MANEA: variants seen among roughly 807,000 people sequenced by gnomAD.
The protein encoded by MANEA is glycoprotein endo-alpha-1,2-mannosidase.
In MANEA, 25 loss-of-function variants were observed where a neutral mutation model predicts 36.8. The ratio of observed to expected loss-of-function variants is 0.68; its 90% CI spans 0.50 to 0.95. The LOEUF (loss-of-function observed/expected upper bound fraction) is 0.95, where lower values mean the gene tolerates loss of function less well. Among genes scored for constraint, MANEA ranks in the 40% least tolerant of loss-of-function variants. MANEA has a pLI of 0.00. For missense variants in MANEA, 565 were observed against 558.8 expected (o/e 1.01, Z -0.11); for synonymous variants, 198 against 188.5 (o/e 1.05, Z -0.41).
At position 95,604,813 on chromosome 6, in the gene MANEA, ATTGT is replaced by A. The variant is rs780154209; in HGVS notation, c.655-7_655-4del. Reference sequence around the variant, plus strand: ...GATAATTTATCCCCTAACTGATTTTATTGTTTGTTTTAGGTTACTTTTCACATAG... The same window carrying A: ...GATAATTTATCCCCTAACTGATTTTATTGTTTTAGGTTACTTTTCACATAG... On this transcript the variant is annotated splice_polypyrimidine_tract_variant and intron_variant, in intron 3 of 4. Coordinates refer to ENST00000358812, the MANE Select transcript of MANEA (RefSeq NM_024641.4). The A allele has an allele frequency of 8.1e-7, 1 of 1,230,410 alleles. No individual in the cohort carries two copies. 76.2% of individuals were successfully genotyped at this position (1,230,410 alleles called of 1,614,324 possible).
chr6:95,606,003 T>G lies in MANEA; in HGVS notation c.987T>G (p.Phe329Leu). The change falls in exon 5 of 5, where the codon TTT becomes TTG. Residue 329 changes from phenylalanine (F) to leucine (L), a missense_variant. Physicochemically the swap from Phe to Leu is conservative, Grantham distance 22 (BLOSUM62 0). Transcript: ENST00000358812. ...ACACATATTTTGCCACAAATGGCTT[T>G]ACTTATGGCTCATCACATCAGAATT... ...GIYTYFATNG[F>L]TYGSSHQNWA... The G allele has an allele frequency of 6.2e-7, 1 of 1,614,114 alleles. No individual in the cohort carries two copies. Among genetic ancestry groups the G allele is most frequent in the Non-Finnish European group, 8.5e-7 (1 of 1,179,980 alleles).
chr6:95,580,724 CAAAAAA>C (rs67844240), intron 1 of MANEA, among the ~76,000 whole-genome samples: 1 of 59,810 alleles, frequency 1.7e-5, no homozygotes, highest in African/African-American at 6.8e-5. Flanking sequence ...GACGCCGTCT[CAAAAAA>C]AAAAAAAAAA....
chr6:95,583,278 T>G (rs1036378080), intron 1 of MANEA, among the ~76,000 whole-genome samples: 3 of 152,064 alleles, frequency 2.0e-5, no homozygotes, highest in Non-Finnish European at 4.4e-5. Context: ...ATTTAGTAAT[T>G]AATATTGTTT....
intron 2 of MANEA, among the ~76,000 whole-genome samples, chr6:95,587,593 T>C (rs1489969053): frequency 6.6e-6 from 1 of 152,158 alleles, no homozygotes; most frequent in African/African-American, 2.4e-5. Flanking sequence ...CACTTAACTA[T>C]ATCAATAGCT....
intron 2 of MANEA, among the ~76,000 whole-genome samples, chr6:95,589,082 C>T (rs1769337760): frequency 1.3e-5 from 2 of 151,398 alleles, no homozygotes; most frequent in Admixed American, 6.6e-5. Flanking sequence ...TTCTCCTAGA[C>T]AAAATTAAAA....
intron 2 of MANEA, among the ~76,000 whole-genome samples, chr6:95,594,152 G>GA (rs1769442957): frequency 1.3e-5 from 2 of 151,870 alleles, no homozygotes; most frequent in South Asian, 4.1e-4. Context: ...AAATGTGAGG[G>GA]AAAAAACAGA....
chr6:95,577,696 G>C (rs1413424125), intron 1 of MANEA, 58 bp downstream of exon 1: 1 of 152,276 alleles, frequency 6.6e-6, no homozygotes, highest in African/African-American at 2.4e-5. Flanking sequence ...GCGGCGGCAG[G>C]CACGAGGTCC....
intron 1 of MANEA, among the ~76,000 whole-genome samples, chr6:95,579,696 T>C (rs1769144092): frequency 1.3e-5 from 2 of 152,208 alleles, no homozygotes; most frequent in Non-Finnish European, 2.9e-5. Context: ...TACTAATTCA[T>C]ACCACCCTGC....
At chr6:95,601,640 AC>A (rs1394189751) in intron 3 of MANEA, among the ~76,000 whole-genome samples, 2 of 150,968 alleles carry the variant, frequency 1.3e-5, no homozygotes, top group Non-Finnish European at 2.9e-5. Context: ...TGGGGTTGTT[AC>A]ATGGCATTAT....
chr6:95,597,794 T>C (rs1192483416), intron 3 of MANEA, among the ~76,000 whole-genome samples: 1 of 152,030 alleles, frequency 6.6e-6, no homozygotes, highest in Non-Finnish European at 1.5e-5. Flanking sequence ...ATAGATGAAG[T>C]GTGAAATTAA....
chr6:95,593,575 C>T (rs546580348), intron 2 of MANEA, among the ~76,000 whole-genome samples: 3 of 152,264 alleles, frequency 2.0e-5, no homozygotes, highest in African/African-American at 7.2e-5. Flanking sequence ...GATACATAGT[C>T]ATATGTGGCT....
At chr6:95,583,026 A>C (rs1026882423) in intron 1 of MANEA, among the ~76,000 whole-genome samples, 2 of 152,168 alleles carry the variant, frequency 1.3e-5, no homozygotes, top group African/African-American at 2.4e-5. Flanking sequence ...TCACTAGTTT[A>C]AATTGGTGTT....
intron 1 of MANEA, among the ~76,000 whole-genome samples, chr6:95,583,326 T>C (rs993000862): frequency 3.3e-5 from 5 of 151,970 alleles, no homozygotes; most frequent in Non-Finnish European, 7.4e-5. Flanking sequence ...TTTAATTATG[T>C]ATATATAATC....
In MANEA at chr6:95,605,854, A is replaced by G; in HGVS notation, c.838A>G (p.Asn280Asp). 6.2e-7 allele frequency: 1 copy of G among 1,614,022 alleles called. No individual in the cohort carries two copies. Among genetic ancestry groups the G allele is most frequent in the Non-Finnish European group, 8.5e-7 (1 of 1,179,958 alleles). The change falls in exon 5 of 5, where the codon AAT (asparagine) becomes GAT (aspartate). Residue 280 changes from asparagine to aspartate, a missense_variant. Transcript: ENST00000358812. ...SYITKPEKWANLLTTSGSRSI... is the reference protein window; with the variant it reads ...SYITKPEKWADLLTTSGSRSI... ...TATTACCAAGCCTGAAAAATGGGCC[A>G]ATCTGTTAACCACCTCAGGGTCTCG...
intron 2 of MANEA, among the ~76,000 whole-genome samples, chr6:95,590,382 A>G (rs1769365593): frequency 6.6e-6 from 1 of 152,160 alleles, no homozygotes; most frequent in Non-Finnish European, 1.5e-5. Flanking sequence ...AGCAAGTCAC[A>G]TTTCCCAGTT....
intron 3 of MANEA, among the ~76,000 whole-genome samples, chr6:95,602,612 ACATTT>A (rs961692275): frequency 6.6e-6 from 1 of 152,374 alleles, no homozygotes; most frequent in African/African-American, 2.4e-5. Flanking sequence ...GATAAGAAAG[ACATTT>A]CATTTTATGT....
chr6:95,594,019 G>A (rs923690342), intron 2 of MANEA, among the ~76,000 whole-genome samples: 4 of 151,592 alleles, frequency 2.6e-5, no homozygotes, highest in Non-Finnish European at 5.9e-5. Flanking sequence ...CTGAGATTGT[G>A]CCACTGCACT....
Position 95,604,908 on chromosome 6 carries a change from G to C in MANEA, c.731+5G>C. 8.6e-7 allele frequency: 1 copy of C among 1,168,154 alleles called. No homozygotes were observed. Among genetic ancestry groups the C allele is most frequent in the Non-Finnish European group, 1.2e-6 (1 of 833,940 alleles). The allele number at this position is 1,168,154 out of a possible 1,614,324, so 72.4% of individuals were successfully genotyped here. A position where few individuals can be genotyped will look rare whatever the true frequency, so the allele number is the denominator to read the frequency against. On this transcript the variant is annotated splice_donor_5th_base_variant and intron_variant, in intron 4 of 4. Coordinates refer to ENST00000358812, the MANE Select transcript of MANEA (RefSeq NM_024641.4). ...TGTCAAGTATATTATAGACAAGTGA[G>C]TTTCTTCAATATTTATAAATATTGT...
intron 1 of MANEA, among the ~76,000 whole-genome samples, chr6:95,582,086 A>G (rs1582218242): frequency 8.0e-6 from 1 of 125,138 alleles, no homozygotes; most frequent in African/African-American, 3.0e-5. Flanking sequence ...CCTTTCTTCA[A>G]TCAAAGGGAA....
Sources: allele counts gnomAD v4.1 joint callset (sites outside exome capture counted in the v4.1 genomes callset), GRCh38; gene constraint gnomAD v4.1.1; transcripts MANE v1.5; gene names NCBI Gene and HGNC (gene_info 2026-07-23, HGNC 2026-07-21).